The following DNM3 variants were observed in gnomAD, a reference collection of about 807,000 sequenced individuals.
DNM3 encodes the protein dynamin 3, also known as dynamin-3.
DNM3 carries 47 observed loss-of-function variants against 101.6 expected under a neutral mutation model. The ratio of observed to expected loss-of-function variants is 0.46; its 90% CI spans 0.37 to 0.59. DNM3 has a LOEUF of 0.59. DNM3 is among the 20% of genes least tolerant of loss of function. The pLI, the probability that DNM3 is intolerant of heterozygous loss-of-function variation, is 0.00. For missense variants in DNM3, 849 were observed against 1,085.7 expected (o/e 0.78, Z 3.06); for synonymous variants, 385 against 387.9 (o/e 0.99, Z 0.09).
At chr1:172,266,327 G>A (rs1175783475) in intron 15 of DNM3, among the ~76,000 whole-genome samples, 1 of 152,090 alleles carries the variant, frequency 6.6e-6, no homozygotes, top group East Asian at 1.9e-4. Context: ...GTCTCAATTG[G>A]ATATGGTTGA....
At chr1:171,962,026 T>G (rs2043245772) in intron 2 of DNM3, among the ~76,000 whole-genome samples, 1 of 152,138 alleles carries the variant, frequency 6.6e-6, no homozygotes. Flanking sequence ...AGTCCTGAGG[T>G]GGCAGAGGGT....
chr1:172,262,748 C>A (rs1365158337), intron 15 of DNM3, among the ~76,000 whole-genome samples: 1 of 152,114 alleles, frequency 6.6e-6, no homozygotes, highest in African/African-American at 2.4e-5. Context: ...ATCTTGAAGC[C>A]CCCTCTTTGT....
intron 14 of DNM3, among the ~76,000 whole-genome samples, chr1:172,242,885 G>A (rs911979215): frequency 6.6e-6 from 1 of 152,102 alleles, no homozygotes; most frequent in Non-Finnish European, 1.5e-5. Flanking sequence ...TCCCCCTGTA[G>A]GTATTTGGAG....
intron 14 of DNM3, among the ~76,000 whole-genome samples, chr1:172,247,186 C>T (rs528058982): frequency 5.3e-5 from 8 of 152,044 alleles, no homozygotes; most frequent in Non-Finnish European, 8.8e-5. Flanking sequence ...GGTCTACGCA[C>T]GTTTTTGGTG....
At chr1:172,283,780 A>AAAAAAAAAAAAAAAAAAAAAAACAGAAAG in intron 15 of DNM3, among the ~76,000 whole-genome samples, 1 of 119,122 alleles carries the variant, frequency 8.4e-6, no homozygotes, top group South Asian at 2.8e-4. Context: ...AAAAAAAAAA[A>AAAAAAAAAAAAAAAAAAAAAAACAGAAAG]AAAGAAAGAA....
At chr1:171,985,298 G>A (rs2125605438) in intron 2 of DNM3, among the ~76,000 whole-genome samples, 1 of 151,828 alleles carries the variant, frequency 6.6e-6, no homozygotes, top group South Asian at 2.1e-4. Flanking sequence ...TGTTTTCTGG[G>A]ATTTGACTTC....
At chr1:172,259,552 A>G (rs1038821084) in intron 15 of DNM3, among the ~76,000 whole-genome samples, 1 of 152,102 alleles carries the variant, frequency 6.6e-6, no homozygotes, top group Non-Finnish European at 1.5e-5. Flanking sequence ...ATCTGTTGTA[A>G]GTATAGCTAC....
intron 10 of DNM3, among the ~76,000 whole-genome samples, chr1:172,055,568 C>G (rs1389578443): frequency 6.6e-6 from 1 of 152,072 alleles, no homozygotes; most frequent in Admixed American, 6.5e-5. Context: ...CTTGAGAATA[C>G]AAGTTCCATG....
chr1:171,959,880 A>G (rs1424569564), intron 2 of DNM3, among the ~76,000 whole-genome samples: 5 of 152,128 alleles, frequency 3.3e-5, no homozygotes, highest in Non-Finnish European at 7.4e-5. Context: ...ACAGAAGCCA[A>G]CTGAAGTGGG....
intron 4 of DNM3, among the ~76,000 whole-genome samples, chr1:172,022,800 AAGG>A (rs1175878435): frequency 1.3e-5 from 2 of 151,928 alleles, no homozygotes; most frequent in African/African-American, 4.8e-5. Context: ...CACTGTAGAG[AAGG>A]AGGATTTAGC....
chr1:172,021,562 T>G (rs1329110889), intron 4 of DNM3, among the ~76,000 whole-genome samples: 2 of 152,210 alleles, frequency 1.3e-5, no homozygotes, highest in Non-Finnish European at 2.9e-5. Flanking sequence ...AAACATAAAC[T>G]GTAATGTATG....
intron 16 of DNM3, among the ~76,000 whole-genome samples, chr1:172,316,141 C>A (rs1001930262): frequency 8.6e-5 from 13 of 151,924 alleles, no homozygotes; most frequent in Admixed American, 3.9e-4. Flanking sequence ...CCAAACTAAG[C>A]TTCATAAGTG....
chr1:172,238,257 A>T (rs559428770), intron 14 of DNM3, among the ~76,000 whole-genome samples: 2 of 152,258 alleles, frequency 1.3e-5, no homozygotes, highest in Non-Finnish European at 2.9e-5. Flanking sequence ...CAGTTGGAGA[A>T]ATACTGCCCT....
At position 172,076,263 on chromosome 1, in the gene DNM3, A is replaced by G. The variant is rs2052638767; in HGVS notation, c.1423-5569A>G. ...ATATACAATCATGTCATCTGCAAAG[A>G]GAGACAATTTAACTTCCTCTCTTTT... On this transcript the variant is annotated intron_variant, in intron 11 of 20. Transcript: ENST00000627582. Among the ~76,000 whole-genome samples, 5 of 152,216 alleles carry G rather than the reference A, an allele frequency of 3.3e-5. No homozygotes were observed. The South Asian group carries it at 1.0e-3, about 31-fold the overall frequency.
chr1:172,403,863 T>C (rs1376760596), intron 20 of DNM3, among the ~76,000 whole-genome samples: 2 of 152,086 alleles, frequency 1.3e-5, no homozygotes, highest in Non-Finnish European at 2.9e-5. Flanking sequence ...AACTTTGCTT[T>C]CCCCAAAACA....
intron 1 of DNM3, among the ~76,000 whole-genome samples, chr1:171,908,306 T>C (rs1212673474): frequency 7.0e-6 from 1 of 142,254 alleles, no homozygotes; most frequent in Non-Finnish European, 1.6e-5. Flanking sequence ...AAGTCACTTA[T>C]ACTTTTGAGT....
At chr1:171,920,524 T>C (rs2040073352) in intron 1 of DNM3, among the ~76,000 whole-genome samples, 1 of 152,190 alleles carries the variant, frequency 6.6e-6, no homozygotes, top group South Asian at 2.1e-4. Flanking sequence ...GTGGTTATAA[T>C]ACTTTCTGAT....
At chr1:172,278,348 C>G (rs1197828560) in intron 15 of DNM3, among the ~76,000 whole-genome samples, 1 of 150,218 alleles carries the variant, frequency 6.7e-6, no homozygotes, top group Admixed American at 6.6e-5. Context: ...TTTTGGTTTC[C>G]CTGGCCACAT....
chr1:171,927,776 T>A (rs2040697386), intron 2 of DNM3, among the ~76,000 whole-genome samples: 1 of 152,242 alleles, frequency 6.6e-6, no homozygotes, highest in African/African-American at 2.4e-5. Context: ...TGGATTGGGT[T>A]TTGCCATCCT....
Sources: gnomAD v4.1 joint callset for allele counts (sites outside exome capture counted in the v4.1 genomes callset) on GRCh38, gnomAD v4.1.1 for gene constraint, MANE v1.5 for transcripts, NCBI Gene and HGNC (gene_info 2026-07-23, HGNC 2026-07-21) for gene names.